Variants in SERPINE2 observed in about 807,000 individuals in gnomAD.
SERPINE2 encodes the protein serpin family E member 2, also known as glia-derived nexin.
SERPINE2 carries 14 observed loss-of-function variants against 36.3 expected under a neutral mutation model. That is an observed-to-expected ratio of 0.39 (90% CI 0.25 to 0.60). SERPINE2 has a LOEUF of 0.60. Ranked by LOEUF, SERPINE2 falls within the 20% of genes least tolerant of loss-of-function variation. SERPINE2 has a pLI of 0.57. For synonymous variants in SERPINE2, 192 were observed against 191.8 expected, an observed-to-expected ratio of 1.00 and a Z score of -0.01; for missense variants, 418 against 499.6, an observed-to-expected ratio of 0.84 and a Z score of 1.56.
chr2:224,022,955 C>T (rs972327821), intron 1 of SERPINE2, among the ~76,000 whole-genome samples: 2 of 152,176 alleles, frequency 1.3e-5, no homozygotes, highest in African/African-American at 2.4e-5. Context: ...CTCACTCTGT[C>T]CTGTCACCCT....
intron 1 of SERPINE2, among the ~76,000 whole-genome samples, chr2:224,004,217 C>T (rs1691303274): frequency 6.6e-6 from 1 of 152,174 alleles, no homozygotes; most frequent in African/African-American, 2.4e-5. Context: ...AGGGAAGAGC[C>T]ACCATCACAT....
chr2:224,015,521 C>G (rs182359128), intron 1 of SERPINE2, among the ~76,000 whole-genome samples: 38 of 152,276 alleles, frequency 2.5e-4, no homozygotes, highest in African/African-American at 8.9e-4. Flanking sequence ...AATATTTTTC[C>G]TTTCATACCA....
intron 2 of SERPINE2, among the ~76,000 whole-genome samples, chr2:224,000,805 C>T (rs1244925536): frequency 5.9e-5 from 9 of 152,010 alleles, no homozygotes; most frequent in South Asian, 2.1e-4. Context: ...TCTGTTCCTG[C>T]GTTTGCTGAG....
rs977460815 is a variant in SERPINE2 at position 224,031,765 on chromosome 2, C to A, written c.-23+7334G>T. Among the ~76,000 whole-genome samples the A allele has an allele frequency of 3.2e-3, 476 of 149,386 alleles. 2 individuals are homozygous for A. Among genetic ancestry groups the A allele is most frequent in the African/African-American group, 0.011 (446 of 40,220 alleles). ...CCTAGGATTTCCACCCCCCACCCCC[C>A]CCGCCGGCTGGAACTGGCTGAAAAG... On this transcript the variant is annotated intron_variant, in intron 1 of 8. Transcript: ENST00000409304.
intron 1 of SERPINE2, among the ~76,000 whole-genome samples, chr2:224,026,787 C>A (rs185876616): frequency 6.6e-6 from 1 of 152,162 alleles, no homozygotes; most frequent in Non-Finnish European, 1.5e-5. Context: ...TGTGTATTCC[C>A]GTGTCTTGCT....
At chr2:224,031,523 C>T (rs1304690709) in intron 1 of SERPINE2, 30 of 985,570 alleles carry the variant, frequency 3.0e-5, no homozygotes, top group Non-Finnish European at 3.6e-5. Flanking sequence ...CCTCCCTCCT[C>T]CGCCCACAGC....
intron 1 of SERPINE2, among the ~76,000 whole-genome samples, chr2:224,009,365 C>A (rs1163523149): frequency 6.6e-6 from 1 of 152,174 alleles, no homozygotes; most frequent in Non-Finnish European, 1.5e-5. Flanking sequence ...ATCATGACAT[C>A]TCTCAACAGC....
At chr2:223,986,607 A>C (rs752894753) in intron 4 of SERPINE2, among the ~76,000 whole-genome samples, 8 of 152,164 alleles carry the variant, frequency 5.3e-5, no homozygotes, top group Non-Finnish European at 1.0e-4. Context: ...TTAATAAGTG[A>C]TTGCTCCAGG....
chr2:223,998,026 G>A (rs1336913242), intron 3 of SERPINE2, 89 bp downstream of exon 3: 14 of 1,025,290 alleles, frequency 1.4e-5, no homozygotes, highest in South Asian at 1.2e-4. Context: ...CCATTGAATT[G>A]GACTTGCAGA....
chr2:223,990,062 G>C (rs1374323632), intron 4 of SERPINE2, among the ~76,000 whole-genome samples: 2 of 152,090 alleles, frequency 1.3e-5, no homozygotes, highest in Non-Finnish European at 2.9e-5. Flanking sequence ...CTTTGGTAGA[G>C]GAATGCAGCT....
chr2:224,029,343 G>GT (rs1381536273), intron 1 of SERPINE2, among the ~76,000 whole-genome samples: 2 of 151,582 alleles, frequency 1.3e-5, no homozygotes, highest in Non-Finnish European at 2.9e-5. Flanking sequence ...TCAGACTGCT[G>GT]TATGAAGTCC....
chr2:223,981,806 A>G (rs938280600), intron 6 of SERPINE2: 15 of 152,236 alleles, frequency 9.9e-5, no homozygotes, highest in African/African-American at 3.6e-4. Flanking sequence ...TTGCTTTGGC[A>G]AAGGAAAGTT....
intron 8 of SERPINE2, among the ~76,000 whole-genome samples, chr2:223,976,774 A>C (rs1030775215): frequency 6.6e-6 from 1 of 152,248 alleles, no homozygotes; most frequent in African/African-American, 2.4e-5. Context: ...TGACTCACAG[A>C]GCAAAAATCT....
At position 223,982,756 on chromosome 2, in the gene SERPINE2, A is replaced by C; in HGVS notation, c.910T>G (p.Leu304Val). The C allele has an allele frequency of 6.2e-7, 1 of 1,613,892 alleles. No individual in the cohort carries two copies. The highest frequency in any genetic ancestry group is 1.1e-5 in the South Asian group (1 of 91,012). Residue 304 changes from leucine to valine, a missense_variant, in exon 6 of 9, where the codon TTG becomes GTG. Physicochemically the swap from Leu to Val is conservative, Grantham distance 32 (BLOSUM62 1). Coordinates refer to ENST00000409304, the MANE Select transcript of SERPINE2 (RefSeq NM_001136528.2). ...PKFTAVAQTD[L>V]KEPLKVLGIT... Reference sequence around the variant, plus strand: ...CCAAGAACTTTCAGCGGCTCCTTCAAATCTGTTTGTGCTACAGCTGTGAAC... The same window carrying C: ...CCAAGAACTTTCAGCGGCTCCTTCACATCTGTTTGTGCTACAGCTGTGAAC...
chr2:224,012,278 C>T (rs1691654832), intron 1 of SERPINE2, among the ~76,000 whole-genome samples: 2 of 152,134 alleles, frequency 1.3e-5, no homozygotes, highest in South Asian at 4.1e-4. Context: ...AGAACATAAC[C>T]TAAAATGTCC....
intron 1 of SERPINE2, among the ~76,000 whole-genome samples, chr2:224,003,269 G>T (rs919686815): frequency 2.0e-5 from 3 of 152,168 alleles, no homozygotes; most frequent in African/African-American, 7.2e-5. Flanking sequence ...AGACAGGTGG[G>T]TGAAGCCGAA....
At chr2:224,015,018 G>A (rs1341233490) in intron 1 of SERPINE2, among the ~76,000 whole-genome samples, 1 of 151,822 alleles carries the variant, frequency 6.6e-6, no homozygotes, top group Non-Finnish European at 1.5e-5. Context: ...TGGGGGCCAG[G>A]GAGGGTGGTG....
Position 223,991,951 on chromosome 2 carries a change from G to C in SERPINE2, c.537C>G (p.Thr179=). Residue 179 remains threonine, a synonymous_variant, in exon 4 of 9, where the codon ACC becomes ACG. Coordinates refer to ENST00000409304, the MANE Select transcript of SERPINE2 (RefSeq NM_001136528.2). ...ACACTGCGTTGACGAGGACCAGTCT[G>C]GTGAGCACACCATCAATAAGATCTG... ...LSPDLIDGVL[T]RLVLVNAVYF... is the part of the protein sequence containing the mutation. 6.2e-7 allele frequency: 1 copy of C among 1,613,834 alleles called. No individual in the cohort carries two copies. The highest frequency in any genetic ancestry group is 8.5e-7 in the Non-Finnish European group (1 of 1,179,868).
At chr2:224,034,164 A>T (rs1692464697) in intron 1 of SERPINE2, among the ~76,000 whole-genome samples, 2 of 152,162 alleles carry the variant, frequency 1.3e-5, no homozygotes, top group African/African-American at 4.8e-5. Context: ...TGGAGCTTAG[A>T]GTCTACTGGA....
Sources: allele counts gnomAD v4.1 joint callset (sites outside exome capture counted in the v4.1 genomes callset), GRCh38; gene constraint gnomAD v4.1.1; transcripts MANE v1.5; gene names NCBI Gene and HGNC (gene_info 2026-07-23, HGNC 2026-07-21).